MORC4: variants seen among roughly 807,000 people sequenced by gnomAD.
MORC4 encodes the protein MORC family CW-type zinc finger 4, also known as MORC family CW-type zinc finger protein 4.
Under a neutral mutation model 65.5 loss-of-function variants are expected in MORC4, and 22 were observed. The ratio of observed to expected loss-of-function variants is 0.34; its 90% CI spans 0.24 to 0.48. The LOEUF (loss-of-function observed/expected upper bound fraction) is 0.48, where lower values mean the gene tolerates loss of function less well. Among genes scored for constraint, MORC4 ranks in the 20% least tolerant of loss-of-function variants. The probability of loss-of-function intolerance (pLI) is 0.99; values close to 1 mark genes in which losing one functional copy is unlikely to be tolerated. For missense variants in MORC4, 624 were observed against 703.0 expected (o/e 0.89, Z 1.27); for synonymous variants, 267 against 255.8 (o/e 1.04, Z -0.42).
chrX:106,993,977 T>TA (rs767248412), intron 2 of MORC4, among the ~76,000 whole-genome samples: 2 of 112,334 alleles, frequency 1.8e-5, no homozygotes, highest in East Asian at 5.6e-4. Flanking sequence ...CAAGCATACT[T>TA]AGAGGGAGTG....
At chrX:106,985,018 A>G (rs929187415) in intron 5 of MORC4, 78 bp downstream of exon 5, 1 of 934,364 alleles carries the variant, frequency 1.1e-6, no homozygotes. Flanking sequence ...AAAAATTTTA[A>G]AAGTTAAAAT....
At chrX:106,977,829 T>G (rs1452224665) in intron 8 of MORC4, among the ~76,000 whole-genome samples, 2 of 111,451 alleles carry the variant, frequency 1.8e-5, no homozygotes, top group Non-Finnish European at 3.8e-5. Context: ...ATTCTAATTC[T>G]GCCTCTTATT....
At chrX:106,962,647 C>T (rs966126909) in intron 9 of MORC4, among the ~76,000 whole-genome samples, 2 of 111,632 alleles carry the variant, frequency 1.8e-5, no homozygotes, top group Non-Finnish European at 3.8e-5. Context: ...ATTATGGTGC[C>T]CATGAACAAG....
At chrX:106,966,816 G>A (rs1367568387) in intron 9 of MORC4, among the ~76,000 whole-genome samples, 1 of 112,588 alleles carries the variant, frequency 8.9e-6, no homozygotes, top group Non-Finnish European at 1.9e-5. Flanking sequence ...CAAACTGGGC[G>A]GAGCTCACCA....
intron 14 of MORC4, among the ~76,000 whole-genome samples, chrX:106,949,563 A>G (rs1933926776): frequency 8.9e-6 from 1 of 111,967 alleles, no homozygotes; most frequent in Admixed American, 9.5e-5. Context: ...TTGGTTGTTT[A>G]TTTAGTGACT....
At position 106,981,392 on chromosome X, in the gene MORC4, T is replaced by C; in HGVS notation, c.760A>G (p.Thr254Ala). The C allele has an allele frequency of 8.3e-7, 1 of 1,206,107 alleles. No homozygotes were observed. The highest frequency in any genetic ancestry group is 1.7e-5 in the African/African-American group (1 of 57,687). Residue 254 changes from threonine to alanine, a missense_variant, in exon 6 of 17, where the codon ACT becomes GCT. Coordinates refer to ENST00000355610, the MANE Select transcript of MORC4 (RefSeq NM_024657.5). ...GGTAGCTCAGAGGTAACACCGCCAGTCATTTTTTCTTCTGTGTCAAAGTCT... is the reference window on the plus strand; with the variant it reads ...GGTAGCTCAGAGGTAACACCGCCAGCCATTTTTTCTTCTGTGTCAAAGTCT... ...VSDFDTEEKM[T>A]GGVTSELPET...
Position 106,941,396 on chromosome X carries a change from G to A in MORC4, c.*83C>T. On this transcript the variant is annotated 3_prime_UTR_variant, in exon 17 of 17. Coordinates refer to ENST00000355610, the MANE Select transcript of MORC4 (RefSeq NM_024657.5). ...TGAGAGAGAGAGAGAGAGAGAGAGAGAGAGAGAGAGAGAGACGTGAGGGAG... is the reference window on the plus strand; with the variant it reads ...TGAGAGAGAGAGAGAGAGAGAGAGAAAGAGAGAGAGAGAGACGTGAGGGAG... 1 of 769,919 alleles carries A rather than the reference G, an allele frequency of 1.3e-6. No individual in the cohort carries two copies. Among genetic ancestry groups the A allele is most frequent in the Non-Finnish European group, 1.9e-6 (1 of 537,158 alleles). 63.4% of individuals were successfully genotyped at this position (769,919 alleles called of 1,213,427 possible).
intron 3 of MORC4, among the ~76,000 whole-genome samples, chrX:106,989,910 A>T (rs760014520): frequency 6.9e-4 from 72 of 104,919 alleles, no homozygotes; most frequent in Non-Finnish European, 1.1e-3. Context: ...CCTTCGGGCC[A>T]GGCGTGGTGG....
intron 11 of MORC4, among the ~76,000 whole-genome samples, chrX:106,957,306 TTA>T (rs1304257767): frequency 1.8e-5 from 2 of 111,687 alleles, no homozygotes; most frequent in Non-Finnish European, 3.8e-5. Context: ...GGCTGCAAGG[TTA>T]TGTCTCCTGT....
chrX:106,944,915 C>T (rs1044762722), intron 14 of MORC4, among the ~76,000 whole-genome samples: 4 of 111,580 alleles, frequency 3.6e-5, no homozygotes, highest in African/African-American at 1.3e-4. Context: ...CTCCAGATCA[C>T]TGTCCCAAGC....
chrX:106,985,235 T>C lies in MORC4; in HGVS notation c.535A>G (p.Ile179Val), dbSNP rs1213312931. Residue 179 changes from isoleucine (I) to valine (V), a missense_variant, in exon 5 of 17, where the codon ATT becomes GTT. Ile to Val is a conservative substitution (Grantham distance 29). Coordinates refer to ENST00000355610, the MANE Select transcript of MORC4 (RefSeq NM_024657.5). ...CTGGGCAATGAATCCTCGGTAATAA[T>C]CATTTTTTGTAAAATCAAATATAGT... ...VPFNQQNKKM[I>V]ITEDSLPSLE... 1.7e-6 allele frequency: 2 copies of C among 1,151,098 alleles called. No homozygotes were observed. Among genetic ancestry groups the C allele is most frequent in the African/African-American group, 3.6e-5 (2 of 55,586 alleles). 94.9% of individuals were successfully genotyped at this position (1,151,098 alleles called of 1,213,427 possible).
At chrX:106,988,208 G>A (rs1244300879) in intron 3 of MORC4, among the ~76,000 whole-genome samples, 7 of 111,778 alleles carry the variant, frequency 6.3e-5, no homozygotes, top group Admixed American at 4.7e-4. Flanking sequence ...AATTTGTATC[G>A]TTAACCGGAC....
intron 2 of MORC4, among the ~76,000 whole-genome samples, chrX:106,997,549 G>A (rs1014584689): frequency 2.7e-4 from 30 of 112,111 alleles, no homozygotes; most frequent in African/African-American, 9.4e-4. Context: ...TCCTGGATCT[G>A]CTACTTAGTA....
In MORC4 at chrX:106,942,107, G is replaced by T; in HGVS notation, c.2491C>A (p.His831Asn). 2.5e-6 allele frequency: 3 copies of T among 1,211,283 alleles called. No homozygotes were observed. Among genetic ancestry groups the T allele is most frequent in the Non-Finnish European group, 3.4e-6 (3 of 895,397 alleles). ...AATTCAGCTTGGCGATAACCCATGT[G>T]TTTCTTGCTCCAGTACAAGCCTTCC... ...EAEGLYWSKK[H>N]MGYRQAEFQI... The change falls in exon 16 of 17, where the codon CAC becomes AAC. Residue 831 changes from histidine (H) to asparagine (N), a missense_variant. Physicochemically the swap from His to Asn is moderately conservative, Grantham distance 68 (BLOSUM62 1). Coordinates refer to ENST00000355610, the MANE Select transcript of MORC4 (RefSeq NM_024657.5).
chrX:106,982,789 T>A (rs1934778525), intron 5 of MORC4, among the ~76,000 whole-genome samples: 1 of 111,708 alleles, frequency 9.0e-6, no homozygotes, highest in South Asian at 3.8e-4. Flanking sequence ...AAAAATTGAT[T>A]GGGAAATACT....
At chrX:106,978,406 A>G (rs1476374256) in intron 7 of MORC4, among the ~76,000 whole-genome samples, 1 of 111,310 alleles carries the variant, frequency 9.0e-6, no homozygotes, top group African/African-American at 3.3e-5. Flanking sequence ...ATCCCACAGA[A>G]ACAGTCAGGG....
chrX:106,996,956 C>T (rs907395875), intron 2 of MORC4, among the ~76,000 whole-genome samples: 1 of 111,893 alleles, frequency 8.9e-6, no homozygotes, highest in African/African-American at 3.3e-5. Flanking sequence ...GCCTCTCATC[C>T]TTTTCTGTTT....
chrX:106,998,470 G>A (rs142908830), intron 2 of MORC4, among the ~76,000 whole-genome samples: 316 of 112,043 alleles, frequency 2.8e-3, no homozygotes, highest in Middle Eastern at 0.019. Context: ...CCAACCATGA[G>A]AGAACAATAC....
intron 14 of MORC4, among the ~76,000 whole-genome samples, chrX:106,949,494 A>T (rs781706366): frequency 8.9e-6 from 1 of 112,305 alleles, no homozygotes; most frequent in South Asian, 3.7e-4. Flanking sequence ...CATTTTAGAT[A>T]ATATAGCAAT....
Sources: allele counts gnomAD v4.1 joint callset (sites outside exome capture counted in the v4.1 genomes callset), GRCh38; gene constraint gnomAD v4.1.1; transcripts MANE v1.5; gene names NCBI Gene and HGNC (gene_info 2026-07-23, HGNC 2026-07-21).